NMNAT2: variants seen among roughly 807,000 people sequenced by gnomAD.
NMNAT2 encodes nicotinamide/nicotinic acid mononucleotide adenylyltransferase 2.
NMNAT2 carries 11 observed loss-of-function variants against 41.6 expected under a neutral mutation model. That is an observed-to-expected ratio of 0.26 (90% CI 0.17 to 0.44). NMNAT2 has a LOEUF of 0.44. NMNAT2 is among the 20% of genes least tolerant of loss of function. NMNAT2 has a pLI of 1.00. For missense variants in NMNAT2, 288 were observed against 407.7 expected, an observed-to-expected ratio of 0.71 and a Z score of 2.53; for synonymous variants, 148 against 151.2, an observed-to-expected ratio of 0.98 and a Z score of 0.16.
At chr1:183,363,571 C>G (rs984955285) in intron 1 of NMNAT2, among the ~76,000 whole-genome samples, 1 of 109,848 alleles carries the variant, frequency 9.1e-6, no homozygotes, top group Non-Finnish European at 2.0e-5. Context: ...TAGAGACACA[C>G]ACACACATAC....
intron 1 of NMNAT2, among the ~76,000 whole-genome samples, chr1:183,348,755 G>T (rs1391915240): frequency 3.3e-5 from 5 of 152,146 alleles, no homozygotes; most frequent in African/African-American, 1.2e-4. Context: ...ATGGAAGGAA[G>T]GTATTCTGCT....
At chr1:183,265,192 T>C (rs1660778093) in intron 8 of NMNAT2, among the ~76,000 whole-genome samples, 1 of 146,574 alleles carries the variant, frequency 6.8e-6, no homozygotes, top group Non-Finnish European at 1.5e-5. Flanking sequence ...AACCATCCAC[T>C]CCCCTCAAAG....
intron 1 of NMNAT2, among the ~76,000 whole-genome samples, chr1:183,309,925 C>G (rs1197852495): frequency 3.3e-5 from 5 of 152,208 alleles, no homozygotes; most frequent in Non-Finnish European, 5.9e-5. Context: ...CAGACTTTCT[C>G]TTTCTCACCC....
chr1:183,357,044 A>G (rs932128888), intron 1 of NMNAT2, among the ~76,000 whole-genome samples: 3 of 152,224 alleles, frequency 2.0e-5, no homozygotes, highest in Admixed American at 2.0e-4. Flanking sequence ...AATAAGACAC[A>G]ACACATGTCT....
chr1:183,304,941 A>G, intron 1 of NMNAT2: 2 of 1,308,928 alleles, frequency 1.5e-6, no homozygotes, highest in Non-Finnish European at 2.0e-6. Flanking sequence ...CTTCTGCCAG[A>G]CCATGCTGAG....
intron 1 of NMNAT2, among the ~76,000 whole-genome samples, chr1:183,403,327 A>C (rs915934258): frequency 2.0e-5 from 3 of 152,194 alleles, no homozygotes; most frequent in Non-Finnish European, 4.4e-5. Flanking sequence ...ACAAACAAAA[A>C]ATGTTTAATC....
intron 1 of NMNAT2, among the ~76,000 whole-genome samples, chr1:183,377,027 A>G (rs1232856095): frequency 6.6e-6 from 1 of 152,180 alleles, no homozygotes; most frequent in Non-Finnish European, 1.5e-5. Flanking sequence ...CAACTGCTGG[A>G]ATTTCAACTC....
At chr1:183,301,665 A>T (rs780694298) in intron 1 of NMNAT2, among the ~76,000 whole-genome samples, 6 of 152,170 alleles carry the variant, frequency 3.9e-5, no homozygotes, top group African/African-American at 9.7e-5. Flanking sequence ...ATTCCAGGCC[A>T]CTTGGAACCA....
At position 183,278,585 on chromosome 1, in the gene NMNAT2, A is replaced by G. The variant is rs774102538; in HGVS notation, c.619T>C (p.Phe207Leu). The G allele has an allele frequency of 6.2e-7, 1 of 1,613,958 alleles. No individual in the cohort carries two copies. The highest frequency in any genetic ancestry group is 1.1e-5 in the South Asian group (1 of 91,078). The part of the protein sequence containing the change: ...LLCGSDLLES[F>L]CIPGLWNEAD... ...TCGTTCCAGAGCCCTGGGATGCAGA[A>G]GGACTCCAGCAGGTCACTACCACAC... is the stretch of plus-strand genomic sequence containing the variant. The change falls in exon 8 of 11, where the codon TTC becomes CTC. Residue 207 changes from phenylalanine (F) to leucine (L), a missense_variant. Coordinates refer to ENST00000287713, the MANE Select transcript of NMNAT2 (RefSeq NM_015039.4).
At chr1:183,356,921 T>G (rs1663204013) in intron 1 of NMNAT2, among the ~76,000 whole-genome samples, 1 of 152,206 alleles carries the variant, frequency 6.6e-6, no homozygotes, top group African/African-American at 2.4e-5. Flanking sequence ...TGCATAGTAT[T>G]CCATGGTGCA....
rs567225166 is a variant in NMNAT2 at position 183,267,627 on chromosome 1, G to C, written c.652-6324C>G. The stretch of plus-strand genomic sequence containing the variant: ...GCCCTGGGGAGTGGGGGGGTGTAAG[G>C]GCAGACATCTGACCCCAGGAAGCAT... On this transcript the variant is annotated intron_variant, in intron 8 of 10. Coordinates refer to ENST00000287713, the MANE Select transcript of NMNAT2 (RefSeq NM_015039.4). Among the ~76,000 whole-genome samples, 220 of 152,184 alleles carry C rather than the reference G, an allele frequency of 1.4e-3. 3 individuals carry two copies. Among genetic ancestry groups the C allele is most frequent in the African/African-American group, 5.1e-3 (212 of 41,504 alleles).
intron 1 of NMNAT2, among the ~76,000 whole-genome samples, chr1:183,373,003 G>A (rs891379616): frequency 2.0e-5 from 3 of 152,196 alleles, no homozygotes; most frequent in East Asian, 1.9e-4. Flanking sequence ...CTCCCCCAGG[G>A]AGGCCATCAA....
chr1:183,398,623 A>C (rs1648722981), intron 1 of NMNAT2, among the ~76,000 whole-genome samples: 1 of 152,178 alleles, frequency 6.6e-6, no homozygotes. Flanking sequence ...TCTTAGCACC[A>C]CATCACACGT....
chr1:183,363,579 T>TC (rs1553218837), intron 1 of NMNAT2, among the ~76,000 whole-genome samples: 8 of 147,482 alleles, frequency 5.4e-5, no homozygotes, highest in African/African-American at 2.0e-4. Context: ...CACACACACA[T>TC]ACACACACAC....
At chr1:183,290,468 T>G (rs12077628) in intron 3 of NMNAT2, among the ~76,000 whole-genome samples, 47,647 of 152,100 alleles carry the variant, frequency 0.31, 7,998 homozygotes, top group Middle Eastern at 0.4. Flanking sequence ...CCTCAGCTCT[T>G]TGCAACTGTG....
chr1:183,298,060 G>A (rs1661750134), intron 1 of NMNAT2, among the ~76,000 whole-genome samples: 1 of 152,164 alleles, frequency 6.6e-6, no homozygotes, highest in South Asian at 2.1e-4. Flanking sequence ...TCCTCGACTT[G>A]ACAAAGAGCA....
At chr1:183,390,949 T>G (rs1309245538) in intron 1 of NMNAT2, among the ~76,000 whole-genome samples, 2 of 152,128 alleles carry the variant, frequency 1.3e-5, no homozygotes, top group African/African-American at 4.8e-5. Flanking sequence ...AGGCAAAACT[T>G]ATGCCTAAAA....
chr1:183,362,967 T>G (rs1663337044), intron 1 of NMNAT2, among the ~76,000 whole-genome samples: 1 of 152,232 alleles, frequency 6.6e-6, no homozygotes, highest in Admixed American at 6.5e-5. Flanking sequence ...TTATTGTCTG[T>G]CTTTTTTATT....
At chr1:183,327,541 G>A (rs1662495776) in intron 1 of NMNAT2, among the ~76,000 whole-genome samples, 1 of 152,196 alleles carries the variant, frequency 6.6e-6, no homozygotes, top group South Asian at 2.1e-4. Context: ...GCTTCTTACT[G>A]TTTGCCAGCA....
Sources: allele counts gnomAD v4.1 joint callset (sites outside exome capture counted in the v4.1 genomes callset), GRCh38; gene constraint gnomAD v4.1.1; transcripts MANE v1.5; gene names NCBI Gene and HGNC (gene_info 2026-07-23, HGNC 2026-07-21).